The following ASIC2 variants were observed in gnomAD, a reference collection of about 807,000 sequenced individuals.
The protein encoded by ASIC2 is acid sensing ion channel subunit 2.
ASIC2 carries 25 observed loss-of-function variants against 57.3 expected under a neutral mutation model. That is an observed-to-expected ratio of 0.44 (90% confidence interval 0.32 to 0.61). The LOEUF (loss-of-function observed/expected upper bound fraction) is 0.61, where lower values mean the gene tolerates loss of function less well. ASIC2 is among the 20% of genes least tolerant of loss of function. The pLI is 0.06. For missense variants in ASIC2, 641 were observed against 738.1 expected (o/e 0.87, Z 1.52); for synonymous variants, 319 against 307.5 (o/e 1.04, Z -0.39).
intron 1 of ASIC2, among the ~76,000 whole-genome samples, chr17:33,537,710 A>T (rs1166582392): frequency 6.6e-6 from 1 of 152,204 alleles, no homozygotes; most frequent in Admixed American, 6.5e-5. Context: ...GGAAAGTTGG[A>T]TGGGCTGACT....
intron 1 of ASIC2, among the ~76,000 whole-genome samples, chr17:33,362,234 G>A (rs551115486): frequency 1.3e-5 from 2 of 152,222 alleles, no homozygotes. Context: ...CCCTTAAAAT[G>A]TACTTGTCCC....
At chr17:33,428,175 G>T (rs569725061) in intron 1 of ASIC2, among the ~76,000 whole-genome samples, 1 of 152,078 alleles carries the variant, frequency 6.6e-6, no homozygotes, top group Non-Finnish European at 1.5e-5. Context: ...CAACACATAC[G>T]TTTTGTTTTA....
At chr17:34,097,379 T>C (rs539494783) in intron 1 of ASIC2, among the ~76,000 whole-genome samples, 11 of 152,198 alleles carry the variant, frequency 7.2e-5, no homozygotes, top group Admixed American at 1.3e-4. Flanking sequence ...GAGAAGAAGA[T>C]GGATTATTTA....
rs191936611 is a variant in ASIC2 at position 34,090,396 on chromosome 17, T to C, written c.555+65582A>G. 4.3e-3 allele frequency among the ~76,000 whole-genome samples: 657 copies of C among 151,054 alleles called. 4 individuals are homozygous for C. The highest frequency in any genetic ancestry group is 5.6e-3 in the Non-Finnish European group (383 of 67,884). Reference sequence around the variant, plus strand: ...GCAGACCTGGTGTTCTGATGGGTGATAGGCTACAGGGTTTAATGGGAAGTG... The same window carrying C: ...GCAGACCTGGTGTTCTGATGGGTGACAGGCTACAGGGTTTAATGGGAAGTG... On this transcript the variant is annotated intron_variant, in intron 1 of 9. Transcript: ENST00000359872.
At chr17:33,500,896 G>T (rs1597753748) in intron 1 of ASIC2, among the ~76,000 whole-genome samples, 1 of 152,380 alleles carries the variant, frequency 6.6e-6, no homozygotes, top group East Asian at 1.9e-4. Flanking sequence ...GGTGTTCCTT[G>T]TATGTGAATG....
intron 1 of ASIC2, among the ~76,000 whole-genome samples, chr17:33,843,419 G>A (rs1281518717): frequency 6.6e-6 from 1 of 152,116 alleles, no homozygotes; most frequent in Non-Finnish European, 1.5e-5. Flanking sequence ...CAATTAATGT[G>A]GCATTTTAAT....
chr17:33,519,007 A>C (rs1026237449), intron 1 of ASIC2, among the ~76,000 whole-genome samples: 1 of 149,406 alleles, frequency 6.7e-6, no homozygotes, highest in African/African-American at 2.5e-5. Context: ...TTTTCAGTAG[A>C]GACGGGGTTT....
At chr17:33,592,080 C>G (rs11080229) in intron 1 of ASIC2, among the ~76,000 whole-genome samples, 15,635 of 152,238 alleles carry the variant, frequency 0.1, 1,104 homozygotes, top group East Asian at 0.3. Flanking sequence ...CAAGTGTCTT[C>G]TGGGCTCTGG....
intron 1 of ASIC2, among the ~76,000 whole-genome samples, chr17:33,158,136 C>T (rs997182758): frequency 7.2e-5 from 11 of 152,222 alleles, no homozygotes; most frequent in African/African-American, 2.7e-4. Flanking sequence ...TGCTCATCAC[C>T]ATCTGGTATC....
intron 1 of ASIC2, among the ~76,000 whole-genome samples, chr17:33,116,981 C>T (rs980135529): frequency 6.6e-6 from 1 of 151,432 alleles, no homozygotes; most frequent in Admixed American, 6.6e-5. Flanking sequence ...TCTTGAGTAG[C>T]TAGGACTACA....
intron 1 of ASIC2, among the ~76,000 whole-genome samples, chr17:33,576,348 G>A (rs1322699422): frequency 1.3e-5 from 2 of 152,176 alleles, no homozygotes; most frequent in Admixed American, 6.5e-5. Context: ...CCCTCTCCAA[G>A]CCTAGGCTTG....
chr17:33,266,178 A>T (rs548181867), intron 1 of ASIC2, among the ~76,000 whole-genome samples: 120 of 152,306 alleles, frequency 7.9e-4, no homozygotes, highest in African/African-American at 2.9e-3. Context: ...ACAGTCACTC[A>T]ATCACCCTTC....
chr17:33,607,614 T>C (rs1272591965), intron 1 of ASIC2, among the ~76,000 whole-genome samples: 15 of 152,286 alleles, frequency 9.8e-5, no homozygotes, highest in Non-Finnish European at 1.5e-5. Flanking sequence ...GATGTCTACA[T>C]CTCCCCGATG....
At chr17:33,358,949 G>T (rs1220910673) in intron 1 of ASIC2, among the ~76,000 whole-genome samples, 1 of 152,188 alleles carries the variant, frequency 6.6e-6, no homozygotes, top group African/African-American at 2.4e-5. Context: ...AAAGAAACAA[G>T]ATAAATCATG....
chr17:33,793,190 G>A (rs1251727886), intron 1 of ASIC2, among the ~76,000 whole-genome samples: 4 of 152,166 alleles, frequency 2.6e-5, no homozygotes, highest in Admixed American at 2.6e-4. Context: ...ACTTTTTGCT[G>A]GGTAAGAAAT....
chr17:33,773,346 C>T (rs1031953647), intron 1 of ASIC2, among the ~76,000 whole-genome samples: 1 of 152,088 alleles, frequency 6.6e-6, no homozygotes. Flanking sequence ...TTTCACACCC[C>T]AGATTGCCAT....
chr17:33,928,001 T>A (rs1031940627), intron 1 of ASIC2, among the ~76,000 whole-genome samples: 1 of 152,204 alleles, frequency 6.6e-6, no homozygotes, highest in Non-Finnish European at 1.5e-5. Context: ...TGTGTGCTCA[T>A]TTGTCATCCT....
chr17:33,481,633 AACCTCTAC>A (rs141993790), intron 1 of ASIC2, among the ~76,000 whole-genome samples: 3,675 of 152,208 alleles, frequency 0.024, 141 homozygotes, highest in African/African-American at 0.083. Flanking sequence ...CCCTTCCTTC[AACCTCTAC>A]ACCTCTATTG....
At chr17:33,828,826 C>T (rs1429669820) in intron 1 of ASIC2, among the ~76,000 whole-genome samples, 1 of 152,170 alleles carries the variant, frequency 6.6e-6, no homozygotes, top group African/African-American at 2.4e-5. Flanking sequence ...ACCAGTCTTA[C>T]TCATCTTCTC....
Sources: allele counts gnomAD v4.1 joint callset (sites outside exome capture counted in the v4.1 genomes callset), GRCh38; gene constraint gnomAD v4.1.1; transcripts MANE v1.5; gene names NCBI Gene and HGNC (gene_info 2026-07-23, HGNC 2026-07-21).